Variants in RBFOX1 observed in about 807,000 individuals in gnomAD.
The protein encoded by RBFOX1 is RNA binding fox-1 homolog 1.
In RBFOX1, 8 loss-of-function variants were observed where a neutral mutation model predicts 57.7. The observed-to-expected ratio is 0.14, with a 90% CI of 0.08 to 0.25. The LOEUF is 0.25. Among genes scored for constraint, RBFOX1 ranks in the 10% least tolerant of loss-of-function variants. RBFOX1 has a pLI of 1.00. For missense variants in RBFOX1, 611 were observed against 548.5 expected, an observed-to-expected ratio of 1.11 and a Z score of -1.14; for synonymous variants, 326 against 222.4, an observed-to-expected ratio of 1.47 and a Z score of -4.15.
In RBFOX1 at chr16:7,437,927, C is replaced by T. The variant is rs553977230; in HGVS notation, c.28-80220C>T. On this transcript the variant is annotated intron_variant, in intron 4 of 15. Coordinates refer to ENST00000550418, the MANE Select transcript of RBFOX1 (RefSeq NM_018723.4). ...TTGCTTAAAAAAAAAAAAAGCACACCGCGATCATCAATTTAAATTCTTTTA... is the reference window on the plus strand; with the variant it reads ...TTGCTTAAAAAAAAAAAAAGCACACTGCGATCATCAATTTAAATTCTTTTA... Among the ~76,000 whole-genome samples, 53 of 151,494 alleles carry T rather than the reference C, an allele frequency of 3.5e-4. No homozygotes were observed. In the East Asian group the frequency reaches 8.7e-3, roughly 25 times the overall value.
intron 3 of RBFOX1, among the ~76,000 whole-genome samples, chr16:6,903,841 G>T (rs757849196): frequency 6.6e-6 from 1 of 152,116 alleles, no homozygotes; most frequent in Admixed American, 6.6e-5. Context: ...GGCTGTAAAG[G>T]GAATGCACGT....
At chr16:7,109,708 C>T (rs1434895751) in intron 4 of RBFOX1, among the ~76,000 whole-genome samples, 1 of 152,092 alleles carries the variant, frequency 6.6e-6, no homozygotes, top group East Asian at 1.9e-4. Context: ...AGTAAAGGGT[C>T]TTGAGGTGGA....
At chr16:6,725,891 T>A (rs1052496004) in intron 3 of RBFOX1, among the ~76,000 whole-genome samples, 32 of 152,318 alleles carry the variant, frequency 2.1e-4, no homozygotes, top group African/African-American at 6.3e-4. Flanking sequence ...AGATGATACT[T>A]GGTAATTCAG....
chr16:5,443,630 A>G (rs936621903), intron 1 of RBFOX1, among the ~76,000 whole-genome samples: 4 of 152,136 alleles, frequency 2.6e-5, no homozygotes, highest in Admixed American at 6.5e-5. Flanking sequence ...TTGAGCCACC[A>G]CACCTGGCCC....
chr16:6,509,165 A>C (rs1190689669), intron 2 of RBFOX1, among the ~76,000 whole-genome samples: 1 of 152,314 alleles, frequency 6.6e-6, no homozygotes, highest in East Asian at 1.9e-4. Flanking sequence ...TGCAGAGAGG[A>C]TCTTCCAGTA....
At chr16:6,782,712 A>G (rs2081238708) in intron 3 of RBFOX1, among the ~76,000 whole-genome samples, 1 of 152,172 alleles carries the variant, frequency 6.6e-6, no homozygotes, top group Non-Finnish European at 1.5e-5. Flanking sequence ...CAGCTATCGA[A>G]TGAAATGTTT....
At chr16:5,593,347 G>T (rs571140141) in intron 2 of RBFOX1, among the ~76,000 whole-genome samples, 6 of 152,146 alleles carry the variant, frequency 3.9e-5, no homozygotes, top group Admixed American at 2.0e-4. Context: ...GTCAGAGGGT[G>T]GGGGGTTAGG....
intron 4 of RBFOX1, among the ~76,000 whole-genome samples, chr16:7,367,055 C>T (rs929269876): frequency 1.3e-5 from 2 of 151,852 alleles, no homozygotes; most frequent in African/African-American, 4.8e-5. Flanking sequence ...CCAAACCCCC[C>T]AGTTTTTTTT....
intron 3 of RBFOX1, among the ~76,000 whole-genome samples, chr16:6,699,958 A>G (rs1200757304): frequency 1.3e-5 from 2 of 152,210 alleles, no homozygotes; most frequent in Admixed American, 6.5e-5. Flanking sequence ...GCATCAAAAC[A>G]TAATTTGCCC....
chr16:7,345,125 A>G (rs751741448), intron 4 of RBFOX1, among the ~76,000 whole-genome samples: 3 of 152,188 alleles, frequency 2.0e-5, no homozygotes, highest in African/African-American at 4.8e-5. Flanking sequence ...AAACCTGGAA[A>G]TACACTTTCT....
chr16:7,043,427 T>C (rs952342219), intron 3 of RBFOX1, among the ~76,000 whole-genome samples: 1 of 152,192 alleles, frequency 6.6e-6, no homozygotes, highest in African/African-American at 2.4e-5. Context: ...ATATGTCAAA[T>C]GTGTATCATA....
chr16:7,057,657 A>G (rs1568578883), intron 4 of RBFOX1, among the ~76,000 whole-genome samples: 1 of 152,166 alleles, frequency 6.6e-6, no homozygotes, highest in Non-Finnish European at 1.5e-5. Context: ...GCCCAGGGCC[A>G]ACTCTTGAGG....
chr16:6,560,381 A>C (rs28367099), intron 2 of RBFOX1, among the ~76,000 whole-genome samples: 1 of 151,776 alleles, frequency 6.6e-6, no homozygotes, highest in African/African-American at 2.4e-5. Flanking sequence ...TGAGGAGGAG[A>C]GGGCCAGTGT....
chr16:6,855,179 A>T (rs1404129714), intron 3 of RBFOX1, among the ~76,000 whole-genome samples: 1 of 152,050 alleles, frequency 6.6e-6, no homozygotes, highest in Non-Finnish European at 1.5e-5. Context: ...GGTGAGCATG[A>T]TATCCCCAGT....
Position 6,569,946 on chromosome 16 carries a change from TCATTTTG to T in RBFOX1, c.-63-84656_-63-84650del, listed in dbSNP as rs1472326615. Among the ~76,000 whole-genome samples, 40 of 152,328 alleles carry T rather than the reference TCATTTTG, an allele frequency of 2.6e-4. 2 individuals are homozygous for T. Among genetic ancestry groups the T allele is most frequent in the Admixed American group, 2.6e-3 (40 of 15,306 alleles). Reference sequence around the variant, plus strand: ...ATTCACTTGTCCTCAATAATAAAATTCATTTTGGTGCAGCCTGCCGGTAATTTGTTTG... The same window carrying T: ...ATTCACTTGTCCTCAATAATAAAATTGTGCAGCCTGCCGGTAATTTGTTTG... On this transcript the variant is annotated intron_variant, in intron 2 of 15. Transcript: ENST00000550418.
chr16:6,311,387 T>A (rs17139814), intron 1 of RBFOX1, among the ~76,000 whole-genome samples: 36,533 of 149,668 alleles, frequency 0.24, 4,509 homozygotes, highest in Non-Finnish European at 0.28. Flanking sequence ...AGGGAGAAAA[T>A]GAATCTCTCT....
rs974451308 is a variant in RBFOX1, at chr16:7,091,235, G to C, written c.27+39137G>C. Among the ~76,000 whole-genome samples, 3 of 148,828 alleles carry C rather than the reference G, an allele frequency of 2.0e-5. No individual in the cohort carries two copies. The South Asian group carries it at 6.4e-4, about 32-fold the overall frequency. On this transcript the variant is annotated intron_variant, in intron 4 of 15. Coordinates refer to ENST00000550418, the MANE Select transcript of RBFOX1 (RefSeq NM_018723.4). ...TACACTTCCTCTGTTTTTACTTTAA[G>C]TTAAAATACTGCAATTTTTAATTTT...
At chr16:7,105,588 G>A (rs1399712787) in intron 4 of RBFOX1, among the ~76,000 whole-genome samples, 1 of 152,010 alleles carries the variant, frequency 6.6e-6, no homozygotes, top group Non-Finnish European at 1.5e-5. Flanking sequence ...GTTTGGTTTT[G>A]CATTCCTGAG....
At chr16:5,896,197 C>G (rs780175050) in intron 4 of RBFOX1, among the ~76,000 whole-genome samples, 6 of 152,144 alleles carry the variant, frequency 3.9e-5, no homozygotes, top group South Asian at 2.1e-4. Flanking sequence ...CTGGTCTCAT[C>G]TAGAGGCAGA....
Sources: gnomAD v4.1 joint callset for allele counts (sites outside exome capture counted in the v4.1 genomes callset) on GRCh38, gnomAD v4.1.1 for gene constraint, MANE v1.5 for transcripts, NCBI Gene and HGNC (gene_info 2026-07-23, HGNC 2026-07-21) for gene names.